Variants in TG observed in about 807,000 individuals in gnomAD.
The protein encoded by TG is thyroglobulin, also known as thyroid hormones.
Under a neutral mutation model 324.7 loss-of-function variants are expected in TG, and 270 were observed. The observed-to-expected ratio is 0.83, with a 90% CI of 0.75 to 0.92. TG has a LOEUF of 0.92. Among genes scored for constraint, TG ranks in the 40% least tolerant of loss-of-function variants. The probability of loss-of-function intolerance (pLI) is 0.00; values close to 1 mark genes in which losing one functional copy is unlikely to be tolerated. For synonymous variants in TG, 1,401 were observed against 1,327.0 expected (o/e 1.06, Z -1.21); for missense variants, 3,591 against 3,456.4 (o/e 1.04, Z -0.98).
At chr8:132,950,872 A>C (rs1826008664) in intron 27 of TG, among the ~76,000 whole-genome samples, 1 of 152,238 alleles carries the variant, frequency 6.6e-6, no homozygotes, top group African/African-American at 2.4e-5. Flanking sequence ...CCCTGCTCTG[A>C]GGCCTTGACC....
chr8:132,888,852 A>T (rs1192962005), intron 10 of TG, among the ~76,000 whole-genome samples: 1 of 152,178 alleles, frequency 6.6e-6, no homozygotes, highest in Non-Finnish European at 1.5e-5. Context: ...TTCTGTGTGC[A>T]AGCATCTTCA....
rs779764052 is a variant in TG, at chr8:132,887,394, C to T, written c.2022C>T (p.Gly674=). The T allele has an allele frequency of 1.2e-6, 2 of 1,614,196 alleles. No individual in the cohort carries two copies. Among genetic ancestry groups the T allele is most frequent in the South Asian group, 2.2e-5 (2 of 91,090 alleles). ...KQRARMQSLM[G]SQPAGSTLFV... is the part of the protein sequence containing the mutation. ...GGGCTCGCATGCAAAGCCTCATGGGCAGCCAGCCTGCTGGCTCCACCTTGT... is the reference window on the plus strand; with the variant it reads ...GGGCTCGCATGCAAAGCCTCATGGGTAGCCAGCCTGCTGGCTCCACCTTGT... Residue 674 remains glycine, a synonymous_variant, in exon 9 of 48, where the codon GGC becomes GGT. Transcript: ENST00000220616.
At chr8:133,122,593 C>A (rs1396838660) in intron 45 of TG, among the ~76,000 whole-genome samples, 1 of 152,182 alleles carries the variant, frequency 6.6e-6, no homozygotes, top group Non-Finnish European at 1.5e-5. Context: ...AGTCACTTAA[C>A]CTCTCTTAGC....
rs1837848674 is a variant in TG, at chr8:133,039,908, GCA to G, written c.7239+9893_7239+9894del. 3 of 1,494,490 alleles carry G rather than the reference GCA, an allele frequency of 2.0e-6. No homozygotes were observed. In the South Asian group the frequency reaches 3.9e-5, roughly 19 times the overall value. 92.6% of individuals were successfully genotyped at this position (1,494,490 alleles called of 1,614,324 possible). A position where few individuals can be genotyped will look rare whatever the true frequency, so the allele number is the denominator to read the frequency against. On this transcript the variant is annotated intron_variant, in intron 41 of 47. Coordinates refer to ENST00000220616, the MANE Select transcript of TG (RefSeq NM_003235.5). ...TCTGGCCATGGTTTTCATGTGCTCG[GCA>G]CACACACCGTTTTGTGCTCACATGT...
chr8:133,016,263 C>T (rs543342386), intron 37 of TG, among the ~76,000 whole-genome samples: 4 of 152,304 alleles, frequency 2.6e-5, no homozygotes, highest in Non-Finnish European at 5.9e-5. Flanking sequence ...CCTCAGAACC[C>T]GCTGACATTT....
intron 41 of TG, chr8:133,051,035 G>A: frequency 1.6e-6 from 1 of 643,126 alleles, no homozygotes; most frequent in Non-Finnish European, 2.8e-6. Context: ...TACCTTTCTT[G>A]TTTTGAACCA....
At chr8:132,933,476 G>A (rs539464870) in intron 23 of TG, 85 bp from the exon 24 acceptor site, 1 of 1,011,924 alleles carries the variant, frequency 9.9e-7, no homozygotes, top group South Asian at 1.3e-5. Context: ...TTGGGCATGT[G>A]GGGCAGGGGC....
At chr8:133,126,792 TA>T (rs544308750) in intron 45 of TG, among the ~76,000 whole-genome samples, 49 of 144,496 alleles carry the variant, frequency 3.4e-4, no homozygotes, top group African/African-American at 5.1e-4. Context: ...CCTCAGCTTC[TA>T]AAAAAAAAAA....
At chr8:132,936,948 T>TGACATTCTCAGCTTCAGTTTCCTC (rs370487908) in intron 25 of TG, among the ~76,000 whole-genome samples, 2,981 of 152,220 alleles carry the variant, frequency 0.02, 98 homozygotes, top group African/African-American at 0.065. Flanking sequence ...GCCTGTTCCT[T>TGACATTCTCAGCTTCAGTTTCCTC]GACATTCTCA....
intron 13 of TG, among the ~76,000 whole-genome samples, chr8:132,898,589 AG>A (rs1399912167): frequency 5.3e-5 from 8 of 152,186 alleles, no homozygotes; most frequent in African/African-American, 1.7e-4. Context: ...CCCTCTTCTG[AG>A]GCTCAGCCAT....
At chr8:132,970,341 G>A (rs2130518457) in intron 32 of TG, among the ~76,000 whole-genome samples, 1 of 152,202 alleles carries the variant, frequency 6.6e-6, no homozygotes, top group African/African-American at 2.4e-5. Context: ...AGAGCTGAAT[G>A]TGAATTCTAA....
intron 41 of TG, among the ~76,000 whole-genome samples, chr8:133,056,456 G>A (rs751416524): frequency 3.3e-5 from 5 of 152,084 alleles, no homozygotes; most frequent in Non-Finnish European, 7.4e-5. Context: ...TCATTCATTC[G>A]AGACGAGCCC....
intron 29 of TG, chr8:132,964,698 A>G: frequency 3.4e-6 from 2 of 579,840 alleles, no homozygotes; most frequent in Non-Finnish European, 6.1e-6. Flanking sequence ...TGAAGTGGCT[A>G]CAGTATTCAT....
At position 133,097,970 on chromosome 8, in the gene TG, A is replaced by AG. The variant is rs530528952; in HGVS notation, c.7572+1604dup. 3.9e-5 allele frequency among the ~76,000 whole-genome samples: 6 copies of AG among 152,178 alleles called. No individual in the cohort carries two copies. In the East Asian group the frequency reaches 9.7e-4, roughly 24 times the overall value. On this transcript the variant is annotated intron_variant, in intron 43 of 47. Coordinates refer to ENST00000220616, the MANE Select transcript of TG (RefSeq NM_003235.5). Reference sequence around the variant, plus strand: ...TATGAGTGAGTGTGTGTGTGTTGCAAGGGGGGGTGTCAAGTAAAACTTAGT... The same window carrying AG: ...TATGAGTGAGTGTGTGTGTGTTGCAAGGGGGGGGTGTCAAGTAAAACTTAGT...
chr8:132,891,686 T>C (rs1048089183), intron 10 of TG, among the ~76,000 whole-genome samples: 11 of 152,178 alleles, frequency 7.2e-5, no homozygotes, highest in African/African-American at 2.7e-4. Flanking sequence ...TTTCACTTTA[T>C]CCTGGAAGAA....
intron 26 of TG, 80 bp downstream of exon 26, chr8:132,941,622 G>A: frequency 6.5e-7 from 1 of 1,540,786 alleles, no homozygotes; most frequent in Non-Finnish European, 8.9e-7. Context: ...ACACAACATG[G>A]AGCTGCATGG....
chr8:133,078,911 C>T (rs778679487), intron 41 of TG, among the ~76,000 whole-genome samples: 9 of 152,126 alleles, frequency 5.9e-5, no homozygotes, highest in Admixed American at 1.3e-4. Flanking sequence ...GACAGACACA[C>T]ATATCAAAAC....
In TG at chr8:133,029,919, C is replaced by G; in HGVS notation, c.7135C>G (p.Arg2379Gly). ...CCGAGGATTTGGCGGGGACCCTCGG[C>G]GCGTGTCCCTGGCAGCAGACCGTGG... The part of the protein sequence containing the change: ...HIRGFGGDPR[R>G]VSLAADRGGA... The change falls in exon 41 of 48, where the codon CGC becomes GGC. Residue 2379 changes from arginine (R) to glycine (G), a missense_variant. Transcript: ENST00000220616. 1.9e-6 allele frequency: 3 copies of G among 1,614,206 alleles called. No individual in the cohort carries two copies. The highest frequency in any genetic ancestry group is 2.5e-6 in the Non-Finnish European group (3 of 1,180,038).
intron 41 of TG, among the ~76,000 whole-genome samples, chr8:133,057,335 A>G (rs1841630049): frequency 6.6e-6 from 1 of 152,220 alleles, no homozygotes; most frequent in Non-Finnish European, 1.5e-5. Context: ...TGTACTGCCC[A>G]TGTCTGGTAC....
Sources: gnomAD v4.1 joint callset for allele counts (sites outside exome capture counted in the v4.1 genomes callset) on GRCh38, gnomAD v4.1.1 for gene constraint, MANE v1.5 for transcripts, NCBI Gene and HGNC (gene_info 2026-07-23, HGNC 2026-07-21) for gene names.